Variants in TGFBR2 observed in about 807,000 individuals in gnomAD.
TGFBR2 encodes TGF-beta receptor type-2.
A neutral mutation model predicts 49.0 loss-of-function variants in TGFBR2; 18 were observed. That is an observed-to-expected ratio of 0.37 (90% CI 0.25 to 0.54). The LOEUF is 0.54. TGFBR2 is among the 20% of genes least tolerant of loss of function. TGFBR2 has a pLI of 0.85. For missense variants in TGFBR2, 525 were observed against 722.6 expected, an observed-to-expected ratio of 0.73 and a Z score of 3.13; for synonymous variants, 282 against 275.9, an observed-to-expected ratio of 1.02 and a Z score of -0.22.
intron 1 of TGFBR2, among the ~76,000 whole-genome samples, chr3:30,643,799 A>G (rs1260354692): frequency 6.6e-6 from 1 of 152,242 alleles, no homozygotes; most frequent in African/African-American, 2.4e-5. Flanking sequence ...CGATGCAGAT[A>G]GTTTGTGCAG....
intron 2 of TGFBR2, among the ~76,000 whole-genome samples, chr3:30,645,674 C>T (rs571910102): frequency 2.6e-5 from 4 of 151,948 alleles, no homozygotes; most frequent in East Asian, 1.9e-4. Flanking sequence ...TTAGTAGAGA[C>T]GGGGTTTCAC....
At chr3:30,689,865 C>G (rs1383749443) in intron 6 of TGFBR2, among the ~76,000 whole-genome samples, 1 of 152,050 alleles carries the variant, frequency 6.6e-6, no homozygotes, top group African/African-American at 2.4e-5. Flanking sequence ...ATTTGTTGCC[C>G]TATTGATTTC....
chr3:30,675,727 T>A (rs1191185870), intron 5 of TGFBR2, among the ~76,000 whole-genome samples: 2 of 152,186 alleles, frequency 1.3e-5, no homozygotes, highest in Non-Finnish European at 2.9e-5. Flanking sequence ...AATTTTAGAC[T>A]TAGAAAATAG....
At chr3:30,659,951 A>G (rs1467683543) in intron 3 of TGFBR2, among the ~76,000 whole-genome samples, 1 of 151,430 alleles carries the variant, frequency 6.6e-6, no homozygotes, top group Non-Finnish European at 1.5e-5. Flanking sequence ...ACCCACGTAT[A>G]CTCCAGAGGC....
intron 6 of TGFBR2, among the ~76,000 whole-genome samples, chr3:30,689,171 G>A (rs1474912687): frequency 6.6e-6 from 1 of 152,226 alleles, no homozygotes; most frequent in East Asian, 1.9e-4. Flanking sequence ...TGCTAGCTAA[G>A]GCTGTCCATA....
chr3:30,674,076 ATG>A (rs1699389286), intron 4 of TGFBR2, 27 bp from the exon 5 acceptor site: 2 of 1,614,020 alleles, frequency 1.2e-6, no homozygotes, highest in Non-Finnish European at 1.7e-6. Flanking sequence ...GAATTAAATG[ATG>A]GGCCTCACTG....
At chr3:30,680,129 G>A (rs373715329) in intron 5 of TGFBR2, among the ~76,000 whole-genome samples, 6 of 134,534 alleles carry the variant, frequency 4.5e-5, no homozygotes, top group African/African-American at 8.2e-5. Flanking sequence ...CATCCCCCCC[G>A]CCCCCCAAAA....
intron 3 of TGFBR2, among the ~76,000 whole-genome samples, chr3:30,657,506 G>C (rs533034366): frequency 8.1e-4 from 123 of 152,278 alleles, no homozygotes; most frequent in Non-Finnish European, 1.5e-3. Context: ...CTTGGTTCTT[G>C]GGGTAACTAC....
chr3:30,621,861 A>AAT (rs1692996179), intron 1 of TGFBR2, among the ~76,000 whole-genome samples: 1 of 152,114 alleles, frequency 6.6e-6, no homozygotes, highest in Admixed American at 6.5e-5. Context: ...GACAGGAGAG[A>AAT]ATATGTTAAC....
At chr3:30,636,155 ATGTG>A (rs61296907) in intron 1 of TGFBR2, among the ~76,000 whole-genome samples, 4,103 of 134,620 alleles carry the variant, frequency 0.03, 60 homozygotes, top group African/African-American at 0.048. Context: ...ATATATATGT[ATGTG>A]TGTGTGTGTG....
chr3:30,636,237 G>A (rs540142163), intron 1 of TGFBR2, among the ~76,000 whole-genome samples: 4 of 149,322 alleles, frequency 2.7e-5, no homozygotes, highest in South Asian at 2.2e-4. Flanking sequence ...CACCGCACCC[G>A]GCCCGTACTA....
chr3:30,649,405 TAC>T (rs1698838027), intron 2 of TGFBR2, among the ~76,000 whole-genome samples: 1 of 152,174 alleles, frequency 6.6e-6, no homozygotes, highest in Admixed American at 6.5e-5. Context: ...AAATCTAATG[TAC>T]ACTGACGGCC....
chr3:30,664,962 G>A (rs977408913), intron 3 of TGFBR2, among the ~76,000 whole-genome samples: 2 of 152,226 alleles, frequency 1.3e-5, no homozygotes, highest in Admixed American at 6.5e-5. Flanking sequence ...ACTCGGTAAA[G>A]GAGTTTAGGG....
chr3:30,633,118 A>G (rs1474782373), intron 1 of TGFBR2, among the ~76,000 whole-genome samples: 1 of 152,174 alleles, frequency 6.6e-6, no homozygotes, highest in Admixed American at 6.5e-5. Context: ...ATCAGGAAGG[A>G]TGAGGGCTTG....
chr3:30,663,028 A>G (rs114802326), intron 3 of TGFBR2, among the ~76,000 whole-genome samples: 3,328 of 152,294 alleles, frequency 0.022, 116 homozygotes, highest in African/African-American at 0.074. Context: ...GATGCTGATG[A>G]CTGCTGGTCT....
At chr3:30,658,347 A>G (rs920743490) in intron 3 of TGFBR2, among the ~76,000 whole-genome samples, 4 of 152,198 alleles carry the variant, frequency 2.6e-5, no homozygotes, top group Admixed American at 6.5e-5. Flanking sequence ...TCCATTTGTC[A>G]TAATTATAGC....
intron 1 of TGFBR2, among the ~76,000 whole-genome samples, chr3:30,620,466 T>C (rs1378434565): frequency 1.3e-5 from 2 of 152,068 alleles, no homozygotes; most frequent in African/African-American, 4.8e-5. Flanking sequence ...GACAGAACCA[T>C]AGGCTTATGG....
chr3:30,642,369 G>T (rs1443544563), intron 1 of TGFBR2, among the ~76,000 whole-genome samples: 1 of 152,138 alleles, frequency 6.6e-6, no homozygotes, highest in East Asian at 1.9e-4. Context: ...CTAACTATAG[G>T]TCTGGGTTCT....
At position 30,678,546 on chromosome 3, in the gene TGFBR2, T is replaced by TCAAAAAAA. The variant is rs370795703; in HGVS notation, c.1396+4300_1396+4301insCAAAAAAA. ...CTGGGCGACAGAGCAAGACTGCGTC[T>TCAAAAAAA]AAAAAAAAAAAAAAAAAAAAAAGAG... is the stretch of plus-strand genomic sequence containing the variant. On this transcript the variant is annotated intron_variant, in intron 5 of 6. Coordinates refer to ENST00000295754, the MANE Select transcript of TGFBR2 (RefSeq NM_003242.6). 4.0e-5 allele frequency among the ~76,000 whole-genome samples: 4 copies of TCAAAAAAA among 100,870 alleles called. 1 individual carries two copies. The highest frequency in any genetic ancestry group is 1.9e-5 in the Non-Finnish European group (1 of 53,326). 66.2% of individuals were successfully genotyped at this position (100,870 alleles called of 152,430 possible).
Sources: gnomAD v4.1 joint callset for allele counts (sites outside exome capture counted in the v4.1 genomes callset) on GRCh38, gnomAD v4.1.1 for gene constraint, MANE v1.5 for transcripts, NCBI Gene and HGNC (gene_info 2026-07-23, HGNC 2026-07-21) for gene names.